The following CTU2 variants were observed in gnomAD, a reference collection of about 807,000 sequenced individuals.
The protein encoded by CTU2 is cytoplasmic tRNA 2-thiolation protein 2.
CTU2 carries 80 observed loss-of-function variants against 64.1 expected under a neutral mutation model. The observed-to-expected ratio is 1.25, with a 90% CI of 1.04 to 1.50. The LOEUF is 1.50. Among genes scored for constraint, CTU2 ranks in the 40% most tolerant of loss-of-function variants. The probability of loss-of-function intolerance (pLI) is 0.00; values close to 1 mark genes in which losing one functional copy is unlikely to be tolerated. For missense variants in CTU2, 1,110 were observed against 690.2 expected (o/e 1.61, Z -6.81); for synonymous variants, 482 against 285.3 (o/e 1.69, Z -6.95).
chr16:88,706,690 G>A (rs2142697165), intron 1 of CTU2, 92 bp downstream of exon 1: 2 of 993,770 alleles, frequency 2.0e-6, no homozygotes, highest in Non-Finnish European at 2.7e-6. Context: ...GCTCCGGGAA[G>A]CCCCGCGTGG....
At position 88,706,529 on chromosome 16, in the gene CTU2, C is replaced by T. The variant is rs756739582; in HGVS notation, c.-2C>T. 30 of 1,450,364 alleles carry T rather than the reference C, an allele frequency of 2.1e-5. No individual in the cohort carries two copies. In the African/African-American group the frequency reaches 2.5e-4, roughly 12 times the overall value. The allele number at this position is 1,450,364 out of a possible 1,614,324, so 89.8% of individuals were successfully genotyped here. On this transcript the variant is annotated 5_prime_UTR_variant, in exon 1 of 15. Coordinates refer to ENST00000453996, the MANE Select transcript of CTU2 (RefSeq NM_001012759.3). Reference sequence around the variant, plus strand: ...CAGTCTGCGACGGGACCCGGCGTGCCCATGTGTCAGGTGGGCGAGGACTAC... The same window carrying T: ...CAGTCTGCGACGGGACCCGGCGTGCTCATGTGTCAGGTGGGCGAGGACTAC...
chr16:88,711,668 T>C lies in CTU2; in HGVS notation c.316T>C (p.Phe106Leu). ...LSQDSAKRLR[F>L]VAGVIFVDEG... ...CCAAGATTCTGCCAAAAGACTGCGC[T>C]TTGTGGCAGGAGTCATCTTTGTTGA... is the stretch of plus-strand genomic sequence containing the variant. Residue 106 changes from phenylalanine to leucine, a missense_variant, in exon 5 of 15, where the codon TTT becomes CTT. Physicochemically the swap from Phe to Leu is conservative, Grantham distance 22 (BLOSUM62 0). Transcript: ENST00000453996. The C allele has an allele frequency of 6.2e-7, 1 of 1,608,530 alleles. No individual in the cohort carries two copies. Among genetic ancestry groups the C allele is most frequent in the Non-Finnish European group, 8.5e-7 (1 of 1,176,564 alleles).
Position 88,714,476 on chromosome 16 carries a change from C to T in CTU2, c.1191C>T (p.Val397=), listed in dbSNP as rs147808203. 285 of 1,612,572 alleles carry T rather than the reference C, an allele frequency of 1.8e-4. No homozygotes were observed. The African/African-American group carries it at 2.4e-3, about 13-fold the overall frequency. Residue 397 remains valine (V), a synonymous_variant, in exon 11 of 15, where the codon GTC becomes GTT. Coordinates refer to ENST00000453996, the MANE Select transcript of CTU2 (RefSeq NM_001012759.3). The part of the protein sequence containing the change: ...RCLLCMCALD[V]DAADSATAFG... ...TCCTCTGCATGTGTGCCCTGGACGT[C>T]GACGCCGCTGGTCTGTGTTTCATGC...
chr16:88,714,478 A>G lies in CTU2; in HGVS notation c.1193A>G (p.Asp398Gly). The G allele has an allele frequency of 6.2e-7, 1 of 1,612,450 alleles. No homozygotes were observed. The highest frequency in any genetic ancestry group is 8.5e-7 in the Non-Finnish European group (1 of 1,179,826). The part of the protein sequence containing the change: ...CLLCMCALDV[D>G]AADSATAFGA... ...CTCTGCATGTGTGCCCTGGACGTCGACGCCGCTGGTCTGTGTTTCATGCTC... is the reference window on the plus strand; with the variant it reads ...CTCTGCATGTGTGCCCTGGACGTCGGCGCCGCTGGTCTGTGTTTCATGCTC... The change falls in exon 11 of 15, where the codon GAC becomes GGC. Residue 398 changes from aspartate (D) to glycine (G), a missense_variant. By Grantham distance (94) the Asp-to-Gly change is moderately conservative. Coordinates refer to ENST00000453996, the MANE Select transcript of CTU2 (RefSeq NM_001012759.3).
rs1207029318 is a variant in CTU2, at chr16:88,712,974, C to T, written c.737+69C>T. On this transcript the variant is annotated intron_variant, in intron 7 of 14. Coordinates refer to ENST00000453996, the MANE Select transcript of CTU2 (RefSeq NM_001012759.3). ...TCATGCCCCTGAGAGCCCCCTTCCCCGGGCCCTGACCCCCACTCATGCCCC... is the reference window on the plus strand; with the variant it reads ...TCATGCCCCTGAGAGCCCCCTTCCCTGGGCCCTGACCCCCACTCATGCCCC... 29 of 710,856 alleles carry T rather than the reference C, an allele frequency of 4.1e-5. 1 individual carries two copies. Among genetic ancestry groups the T allele is most frequent in the African/African-American group, 2.1e-4 (11 of 52,124 alleles). 44.0% of individuals were successfully genotyped at this position (710,856 alleles called of 1,614,324 possible).
Position 88,715,290 on chromosome 16 carries a change from A to ACCTGGTACACCACACTGGAGC in CTU2, c.*41_*61dup. ...CTTGCCGGGACAGCAGGCAGTGGCC[A>ACCTGGTACACCACACTGGAGC]CCTGGTACACCACACTGGAGCCGGA... On this transcript the variant is annotated 3_prime_UTR_variant, in exon 15 of 15. Transcript: ENST00000453996. 6.3e-7 allele frequency: 1 copy of ACCTGGTACACCACACTGGAGC among 1,596,810 alleles called. No individual in the cohort carries two copies. The highest frequency in any genetic ancestry group is 8.5e-7 in the Non-Finnish European group (1 of 1,172,252).
rs2142714939 is a variant in CTU2 at position 88,710,540 on chromosome 16, TGTGCGGCCC to T, written c.282+259_282+267del. 1.6e-5 allele frequency: 8 copies of T among 515,988 alleles called. No individual in the cohort carries two copies. In the East Asian group the frequency reaches 2.6e-4, roughly 17 times the overall value. 32.0% of individuals were successfully genotyped at this position (515,988 alleles called of 1,614,324 possible). A position where few individuals can be genotyped will look rare whatever the true frequency, so the allele number is the denominator to read the frequency against. On this transcript the variant is annotated intron_variant, in intron 4 of 14. Transcript: ENST00000453996. Reference sequence around the variant, plus strand: ...TCAGAAGCTGGGTCCACAGCGCGTGTGTGCGGCCCACTCTCAGATGTGTTTACAGCAGGT... The same window carrying T: ...TCAGAAGCTGGGTCCACAGCGCGTGTACTCTCAGATGTGTTTACAGCAGGT...
Position 88,712,694 on chromosome 16 carries a change from G to T in CTU2, c.526G>T (p.Ala176Ser), listed in dbSNP as rs773088549. 4.0e-5 allele frequency: 65 copies of T among 1,610,518 alleles called. 1 individual carries two copies. In the East Asian group the frequency reaches 1.3e-3, roughly 33 times the overall value. ...ELVGSEGAYK[A>S]AVDSFLQQQH... ...GGTGGGATCCGAGGGGGCCTACAAG[G>T]CGGCCGTGGACAGCTTCCTCCAGCA... The change falls in exon 7 of 15, where the codon GCG (alanine) becomes TCG (serine). Residue 176 changes from alanine to serine, a missense_variant. Transcript: ENST00000453996.
chr16:88,707,069 A>G, intron 1 of CTU2, 67 bp from the exon 2 acceptor site: 2 of 1,521,876 alleles, frequency 1.3e-6, no homozygotes, highest in South Asian at 1.1e-5. Context: ...CTGTCTCCCC[A>G]AAGCCCACTA....
rs922264225 is a variant in CTU2, at chr16:88,711,705, G to A, written c.343+10G>A. 1.2e-6 allele frequency: 2 copies of A among 1,607,096 alleles called. No homozygotes were observed. The highest frequency in any genetic ancestry group is 1.1e-5 in the South Asian group (1 of 90,118). On this transcript the variant is annotated intron_variant, in intron 5 of 14. Transcript: ENST00000453996. ...GTCATCTTTGTTGACGGTATGTGGG[G>A]CCATTGCTCCTCCTAGTCCCTGGCC... is the stretch of plus-strand genomic sequence containing the variant.
At chr16:88,707,869 T>A (rs1473292522) in intron 2 of CTU2, among the ~76,000 whole-genome samples, 1 of 151,694 alleles carries the variant, frequency 6.6e-6, no homozygotes. Context: ...ACAGCTGGAG[T>A]GCATGATCCC....
In CTU2 at chr16:88,714,580, C is replaced by G. The variant is rs1399213572; in HGVS notation, c.1202-7C>G. 7 of 1,612,678 alleles carry G rather than the reference C, an allele frequency of 4.3e-6. No individual in the cohort carries two copies. In the African/African-American group the frequency reaches 8.0e-5, roughly 18 times the overall value. On this transcript the variant is annotated splice_region_variant and splice_polypyrimidine_tract_variant and intron_variant, in intron 11 of 14. Coordinates refer to ENST00000453996, the MANE Select transcript of CTU2 (RefSeq NM_001012759.3). The stretch of plus-strand genomic sequence containing the variant: ...CCCAGGCTCCGTCACCCCCTCTCTG[C>G]TTGCAGACAGTGCCACGGCTTTTGG...
At chr16:88,711,447 G>A (rs534695175) in intron 4 of CTU2, among the ~76,000 whole-genome samples, 188 bp from the exon 5 acceptor site, 30 of 152,336 alleles carry the variant, frequency 2.0e-4, no homozygotes, top group East Asian at 3.9e-4. Flanking sequence ...TAAGTCGGGC[G>A]TGCGGCCTCG....
At chr16:88,713,873 A>G (rs1312439289) in intron 9 of CTU2, 95 bp downstream of exon 9, 2 of 1,488,058 alleles carry the variant, frequency 1.3e-6, no homozygotes, top group African/African-American at 1.4e-5. Flanking sequence ...TCACCAGCAC[A>G]CCTTCAGTGA....
chr16:88,714,520 A>G, intron 11 of CTU2, 34 bp downstream of exon 11: 1 of 1,612,036 alleles, frequency 6.2e-7, no homozygotes, highest in Non-Finnish European at 8.5e-7. Context: ...TGATGCGGGG[A>G]GGGAGCCAGG....
chr16:88,714,779 C>A, intron 12 of CTU2, 42 bp downstream of exon 12: 1 of 1,605,622 alleles, frequency 6.2e-7, no homozygotes. Flanking sequence ...CTGCATGGGG[C>A]GGGAGGGGGA....
chr16:88,714,173 C>G lies in CTU2; in HGVS notation c.1043C>G (p.Ala348Gly). ...EKASIHRLMEAFILRLQTQFP... is the reference protein window; with the variant it reads ...EKASIHRLMEGFILRLQTQFP... ...GCCAGCATCCACCGGCTGATGGAGG[C>G]CTTCATCCTCAGGCTGCAGACCCAG... Residue 348 changes from alanine (A) to glycine (G), a missense_variant, in exon 10 of 15, where the codon GCC becomes GGC. Ala to Gly is a moderately conservative substitution (Grantham distance 60). Coordinates refer to ENST00000453996, the MANE Select transcript of CTU2 (RefSeq NM_001012759.3). 1 of 1,612,714 alleles carries G rather than the reference C, an allele frequency of 6.2e-7. No homozygotes were observed. Among genetic ancestry groups the G allele is most frequent in the Non-Finnish European group, 8.5e-7 (1 of 1,179,910 alleles).
Position 88,709,935 on chromosome 16 carries a change from C to CA in CTU2, c.144-2dup, listed in dbSNP as rs767686391. 8 of 1,613,706 alleles carry CA rather than the reference C, an allele frequency of 5.0e-6. No homozygotes were observed. The highest frequency in any genetic ancestry group is 6.8e-6 in the Non-Finnish European group (8 of 1,179,770). On this transcript the variant is annotated splice_region_variant and splice_polypyrimidine_tract_variant and intron_variant, in intron 2 of 14. Coordinates refer to ENST00000453996, the MANE Select transcript of CTU2 (RefSeq NM_001012759.3). ...GTTCCCTCATCTCAGGTCTGTGTTG[C>CA]AGGGACTGTTTCAAGGCCTTCTACG...
rs1911905409 is a variant in CTU2 at position 88,715,366 on chromosome 16, ATT to A, written c.*120_*121del. 5.0e-6 allele frequency: 6 copies of A among 1,208,126 alleles called. No homozygotes were observed. Among genetic ancestry groups the A allele is most frequent in the South Asian group, 2.9e-5 (2 of 68,344 alleles). 74.8% of individuals were successfully genotyped at this position (1,208,126 alleles called of 1,614,324 possible). ...GATTGTCCATTTGTATAAATAAAAC[ATT>A]TTTTAATTAAAAAAAAAACTCTACA... On this transcript the variant is annotated 3_prime_UTR_variant, in exon 15 of 15. Transcript: ENST00000453996.
Sources: allele counts gnomAD v4.1 joint callset (sites outside exome capture counted in the v4.1 genomes callset), GRCh38; gene constraint gnomAD v4.1.1; transcripts MANE v1.5; gene names NCBI Gene and HGNC (gene_info 2026-07-23, HGNC 2026-07-21).